Variants in XKR9 observed in about 807,000 individuals in gnomAD.
The protein encoded by XKR9 is XK-related protein 9.
A neutral mutation model predicts 32.0 loss-of-function variants in XKR9; 32 were observed. The observed-to-expected ratio is 1.00, with a 90% confidence interval of 0.76 to 1.34. XKR9 has a LOEUF of 1.34. Among genes scored for constraint, XKR9 ranks in the 40% most tolerant of loss-of-function variants. The probability of loss-of-function intolerance (pLI) is 0.00; values close to 1 mark genes in which losing one functional copy is unlikely to be tolerated. For synonymous variants in XKR9, 168 were observed against 143.4 expected, an observed-to-expected ratio of 1.17 and a Z score of -1.22; for missense variants, 546 against 429.7, an observed-to-expected ratio of 1.27 and a Z score of -2.39.
At chr8:70,821,902 C>A in the XKR9 span, among the ~76,000 whole-genome samples, 1 of 152,128 alleles carries the variant, frequency 6.6e-6, no homozygotes, top group African/African-American at 2.4e-5. Context: ...AGACATTTTC[C>A]CCATTGTCTT....
At chr8:70,859,499 T>C in the XKR9 span, among the ~76,000 whole-genome samples, 2 of 152,144 alleles carry the variant, frequency 1.3e-5, no homozygotes, top group African/African-American at 2.4e-5. Flanking sequence ...ACTAGGCATT[T>C]ATTTAAAGGA....
chr8:70,736,636 A>T (rs1344096022), downstream of XKR9, among the ~76,000 whole-genome samples: 1 of 152,070 alleles, frequency 6.6e-6, no homozygotes, highest in South Asian at 2.1e-4. Flanking sequence ...TCTTGAATTA[A>T]CTTTTGTATA....
intron 1 of XKR9, among the ~76,000 whole-genome samples, chr8:70,669,990 T>C (rs899928567): frequency 2.0e-5 from 3 of 152,182 alleles, no homozygotes; most frequent in Non-Finnish European, 4.4e-5. Context: ...TTATAATAAA[T>C]AGTGGTAAGA....
At chr8:70,950,197 C>A in the XKR9 span, among the ~76,000 whole-genome samples, 1 of 152,142 alleles carries the variant, frequency 6.6e-6, no homozygotes, top group Non-Finnish European at 1.5e-5. Flanking sequence ...CCAGCTCTTG[C>A]CCTCAGGAGC....
At chr8:70,910,148 T>A in the XKR9 span, among the ~76,000 whole-genome samples, 12,734 of 151,004 alleles carry the variant, frequency 0.084, 606 homozygotes, top group African/African-American at 0.098. Context: ...ACAGACAAGA[T>A]GACTGAGGGT....
the XKR9 span, among the ~76,000 whole-genome samples, chr8:70,874,236 A>G: frequency 2.0e-5 from 3 of 152,296 alleles, no homozygotes; most frequent in East Asian, 5.8e-4. Context: ...AACCTGCAAT[A>G]TCTCTAAAGT....
At chr8:70,840,802 T>C in the XKR9 span, among the ~76,000 whole-genome samples, 2 of 152,296 alleles carry the variant, frequency 1.3e-5, no homozygotes, top group Non-Finnish European at 2.9e-5. Flanking sequence ...TTTACTACAA[T>C]ATCTGTGGAA....
chr8:70,763,177 T>A (rs1807330485), intron 2 of XKR9, among the ~76,000 whole-genome samples: 1 of 70,384 alleles, frequency 1.4e-5, no homozygotes, highest in African/African-American at 3.7e-5. Flanking sequence ...AAGGGGTCTT[T>A]GATAGTATAG....
chr8:70,933,694 A>C, the XKR9 span, among the ~76,000 whole-genome samples: 1 of 152,014 alleles, frequency 6.6e-6, no homozygotes, highest in African/African-American at 2.4e-5. Context: ...CTAATCCCAG[A>C]CTGAGTGAAT....
the XKR9 span, among the ~76,000 whole-genome samples, chr8:70,913,639 T>G: frequency 3.3e-5 from 5 of 152,140 alleles, no homozygotes; most frequent in South Asian, 2.1e-4. Flanking sequence ...CATAAAAGTA[T>G]GCTAATCATA....
the XKR9 span, among the ~76,000 whole-genome samples, chr8:71,013,137 C>T: frequency 9.9e-5 from 15 of 152,032 alleles, no homozygotes; most frequent in Non-Finnish European, 1.8e-4. Context: ...AAGCTCGTTT[C>T]GAAAAACGAG....
chr8:70,756,068 T>G (rs1380206363), intron 2 of XKR9, among the ~76,000 whole-genome samples: 3 of 152,194 alleles, frequency 2.0e-5, no homozygotes, highest in Non-Finnish European at 2.9e-5. Context: ...AAGTGTTTAT[T>G]CTTTATTCCT....
At chr8:70,710,690 C>G (rs999658210) in intron 4 of XKR9, among the ~76,000 whole-genome samples, 2 of 148,794 alleles carry the variant, frequency 1.3e-5, no homozygotes, top group Non-Finnish European at 3.0e-5. Flanking sequence ...GGTGACAGAG[C>G]GAGACTCCAT....
chr8:71,027,801 G>A, the XKR9 span, among the ~76,000 whole-genome samples: 210 of 144,206 alleles, frequency 1.5e-3, 2 homozygotes, highest in South Asian at 0.031. Context: ...GTCTCACTCC[G>A]TCATCCAGGC....
chr8:70,733,739 A>G, intron 4 of XKR9, 57 bp from the exon 5 acceptor site: 1 of 1,395,558 alleles, frequency 7.2e-7, no homozygotes, highest in Non-Finnish European at 9.4e-7. Context: ...GGGATATAGT[A>G]ATCTAATATT....
At chr8:70,882,190 A>G in the XKR9 span, among the ~76,000 whole-genome samples, 3 of 152,098 alleles carry the variant, frequency 2.0e-5, no homozygotes, top group Non-Finnish European at 4.4e-5. Context: ...CAGCAAACCA[A>G]CATGGTTCAT....
the XKR9 span, among the ~76,000 whole-genome samples, chr8:70,867,585 G>A: frequency 6.6e-6 from 1 of 152,178 alleles, no homozygotes; most frequent in Non-Finnish European, 1.5e-5. Flanking sequence ...CCAAGTAGCT[G>A]GGATTACAGG....
chr8:70,787,190 C>G (rs958889911), intron 2 of XKR9, among the ~76,000 whole-genome samples: 1 of 152,100 alleles, frequency 6.6e-6, no homozygotes, highest in African/African-American at 2.4e-5. Flanking sequence ...TAGCCAAATG[C>G]TTTCACTGAA....
downstream of XKR9, among the ~76,000 whole-genome samples, chr8:70,738,890 G>C (rs1183364691): frequency 2.0e-5 from 3 of 152,246 alleles, no homozygotes; most frequent in East Asian, 1.9e-4. Flanking sequence ...TTACTTCCAA[G>C]TATGTGGTCA....
Sources: gnomAD v4.1 joint callset for allele counts (sites outside exome capture counted in the v4.1 genomes callset) on GRCh38, gnomAD v4.1.1 for gene constraint, MANE v1.5 for transcripts, NCBI Gene and HGNC (gene_info 2026-07-23, HGNC 2026-07-21) for gene names.